FRMPD4: variants seen among roughly 807,000 people sequenced by gnomAD.
FRMPD4 encodes FERM and PDZ domain containing 4, also known as FERM and PDZ domain-containing protein 4.
FRMPD4 carries 22 observed loss-of-function variants against 94.1 expected under a neutral mutation model. The observed-to-expected ratio is 0.23, with a 90% CI of 0.17 to 0.33. The LOEUF (loss-of-function observed/expected upper bound fraction) is 0.33. FRMPD4 is among the 10% of genes least tolerant of loss of function. FRMPD4 has a pLI of 1.00. For synonymous variants in FRMPD4, 631 were observed against 548.6 expected, an observed-to-expected ratio of 1.15 and a Z score of -2.10; for missense variants, 1,111 against 1,339.9, an observed-to-expected ratio of 0.83 and a Z score of 2.67.
intron 1 of FRMPD4, among the ~76,000 whole-genome samples, chrX:12,331,724 AGT>A (rs1333808822): frequency 6.4e-5 from 4 of 62,861 alleles, no homozygotes; most frequent in South Asian, 1.3e-3. Flanking sequence ...ATTTATATAT[AGT>A]ATATAAATAT....
At chrX:12,337,977 G>A (rs910077316) in intron 1 of FRMPD4, among the ~76,000 whole-genome samples, 1 of 111,989 alleles carries the variant, frequency 8.9e-6, no homozygotes, top group African/African-American at 3.2e-5. Flanking sequence ...CCAACAGACT[G>A]GGTGTCTGGT....
chrX:12,330,014 T>C (rs1226493294), intron 1 of FRMPD4, among the ~76,000 whole-genome samples: 1 of 111,504 alleles, frequency 9.0e-6, no homozygotes, highest in Non-Finnish European at 1.9e-5. Context: ...ATTTTCCTTA[T>C]TTGTAAAATG....
chrX:12,429,489 A>G (rs1460443136), intron 1 of FRMPD4, among the ~76,000 whole-genome samples: 1 of 111,029 alleles, frequency 9.0e-6, no homozygotes, highest in African/African-American at 3.3e-5. Context: ...TTAGCACCCC[A>G]CCTCTTCCAC....
intron 1 of FRMPD4, among the ~76,000 whole-genome samples, chrX:12,486,748 C>T: frequency 8.9e-6 from 1 of 112,128 alleles, no homozygotes; most frequent in South Asian, 3.8e-4. Context: ...TGGTTTTTGT[C>T]CTGATTCATA....
At chrX:12,695,043 C>T (rs2060114829) in intron 9 of FRMPD4, among the ~76,000 whole-genome samples, 1 of 112,100 alleles carries the variant, frequency 8.9e-6, no homozygotes, top group South Asian at 3.7e-4. Flanking sequence ...ACTTAGTTGT[C>T]ATGTCTCTTT....
intron 3 of FRMPD4, among the ~76,000 whole-genome samples, chrX:11,994,265 G>C (rs2054483778): frequency 9.0e-6 from 1 of 111,123 alleles, no homozygotes; most frequent in South Asian, 3.8e-4. Flanking sequence ...CAAAAGCCCT[G>C]GCACAGATAT....
chrX:12,142,977 A>G (rs1229477334), intron 1 of FRMPD4, among the ~76,000 whole-genome samples: 1 of 112,232 alleles, frequency 8.9e-6, no homozygotes, highest in Admixed American at 9.4e-5. Flanking sequence ...GTTCAACTTT[A>G]GTACTTTGTT....
intron 2 of FRMPD4, among the ~76,000 whole-genome samples, chrX:12,509,299 A>G (rs6639194): frequency 0.06 from 6,675 of 111,955 alleles, 164 homozygotes; most frequent in East Asian, 0.12. Flanking sequence ...TTACAGCAGC[A>G]CAATTCGCAA....
At chrX:12,454,412 G>GTGT (rs1370069581) in intron 1 of FRMPD4, among the ~76,000 whole-genome samples, 5 of 112,044 alleles carry the variant, frequency 4.5e-5, no homozygotes, top group African/African-American at 1.6e-4. Context: ...AGTCATGTGA[G>GTGT]TGTTGAAACA....
At chrX:11,881,770 G>A (rs1406025778) in intron 3 of FRMPD4, among the ~76,000 whole-genome samples, 2 of 111,826 alleles carry the variant, frequency 1.8e-5, no homozygotes, top group African/African-American at 6.5e-5. Context: ...CCATTTTATT[G>A]TACAGTCATT....
chrX:12,442,554 T>TAACA (rs990033708), intron 1 of FRMPD4, among the ~76,000 whole-genome samples: 2 of 112,105 alleles, frequency 1.8e-5, no homozygotes, highest in South Asian at 3.7e-4. Context: ...TTAGGATTCC[T>TAACA]AACACTAAAA....
chrX:11,839,714 T>C (rs370472348), intron 1 of FRMPD4, among the ~76,000 whole-genome samples: 3 of 111,762 alleles, frequency 2.7e-5, no homozygotes, highest in African/African-American at 9.7e-5. Context: ...TTAATTTTCA[T>C]GTGTGGTATG....
chrX:12,698,783 G>A (rs758132674), intron 9 of FRMPD4, among the ~76,000 whole-genome samples: 41 of 111,377 alleles, frequency 3.7e-4, no homozygotes, highest in African/African-American at 1.1e-3. Flanking sequence ...TGACTCTTAG[G>A]AGAAGTAATA....
At position 12,159,029 on chromosome X, in the gene FRMPD4, T is replaced by C. The variant is rs772310060; in HGVS notation, c.41+20017T>C. Among the ~76,000 whole-genome samples, 63 of 112,411 alleles carry C rather than the reference T, an allele frequency of 5.6e-4. 1 individual carries two copies. The highest frequency in any genetic ancestry group is 2.0e-3 in the African/African-American group (62 of 30,971). On this transcript the variant is annotated intron_variant, in intron 1 of 16. Coordinates refer to ENST00000675598, the MANE Select transcript of FRMPD4 (RefSeq NM_001368397.1). ...CTATAATATTTAAGCTGGAGCAGGATACAAGTGCTCAGGCAGGCTATTGGC... is the reference window on the plus strand; with the variant it reads ...CTATAATATTTAAGCTGGAGCAGGACACAAGTGCTCAGGCAGGCTATTGGC...
chrX:12,086,071 C>CTGTGTGTG (rs753040402), intron 3 of FRMPD4, among the ~76,000 whole-genome samples: 1 of 57,275 alleles, frequency 1.7e-5, no homozygotes, highest in African/African-American at 5.6e-5. Flanking sequence ...CTGCCTGTGT[C>CTGTGTGTG]TGTGTGCGTG....
intron 4 of FRMPD4, among the ~76,000 whole-genome samples, chrX:12,642,112 C>T (rs751902534): frequency 4.7e-4 from 52 of 111,218 alleles, no homozygotes; most frequent in East Asian, 8.5e-4. Flanking sequence ...AGTAGGCATC[C>T]GCTGTGTGTT....
chrX:12,024,175 A>T (rs2054646914), intron 3 of FRMPD4, among the ~76,000 whole-genome samples: 1 of 111,631 alleles, frequency 9.0e-6, no homozygotes, highest in Admixed American at 9.5e-5. Context: ...TTTAGTTCTC[A>T]CCATGAAGGT....
At chrX:12,574,694 C>T (rs768656483) in intron 2 of FRMPD4, among the ~76,000 whole-genome samples, 12 of 110,934 alleles carry the variant, frequency 1.1e-4, no homozygotes, top group Non-Finnish European at 2.3e-4. Flanking sequence ...GACAGAGTTT[C>T]GCCATGCTGC....
At chrX:12,468,090 G>T (rs754149814) in intron 1 of FRMPD4, among the ~76,000 whole-genome samples, 1 of 112,103 alleles carries the variant, frequency 8.9e-6, no homozygotes, top group African/African-American at 3.2e-5. Context: ...CAGTGAATTT[G>T]CAGGAATTAC....
Sources: gnomAD v4.1 joint callset for allele counts (sites outside exome capture counted in the v4.1 genomes callset) on GRCh38, gnomAD v4.1.1 for gene constraint, MANE v1.5 for transcripts, NCBI Gene and HGNC (gene_info 2026-07-23, HGNC 2026-07-21) for gene names.